The following CHRNB1 variants were observed in gnomAD, a reference collection of about 807,000 sequenced individuals.
CHRNB1 encodes acetylcholine receptor subunit beta.
Under a neutral mutation model 53.8 loss-of-function variants are expected in CHRNB1, and 47 were observed. That is an observed-to-expected ratio of 0.87 (90% confidence interval 0.69 to 1.11). CHRNB1 has a LOEUF of 1.11. Ranked by LOEUF, CHRNB1 falls within the 50% of genes most tolerant of loss-of-function variation. The pLI is 0.00. For missense variants in CHRNB1, 605 were observed against 654.9 expected, an observed-to-expected ratio of 0.92 and a Z score of 0.83; for synonymous variants, 259 against 263.5, an observed-to-expected ratio of 0.98 and a Z score of 0.16.
Position 7,445,311 on chromosome 17 carries a change from CTT to C in CHRNB1, c.103_104del (p.Phe35LeufsTer4), listed in dbSNP as rs755694552. 1.2e-6 allele frequency: 2 copies of C among 1,613,044 alleles called. No homozygotes were observed. The highest frequency in any genetic ancestry group is 1.7e-5 in the Admixed American group (1 of 59,990). On this transcript the variant is annotated frameshift_variant, in exon 2 of 11. Coordinates refer to ENST00000306071, the MANE Select transcript of CHRNB1 (RefSeq NM_000747.3). LOFTEE classifies it high-confidence loss of function. The surrounding 1 kb of genome is among the most constrained non-coding windows in gnomAD (Gnocchi z 5.7). Reference sequence around the variant, plus strand: ...GGCGGAGGGTCGACTCCGGGAGAAACTTTTCTCTGGCTATGATAGCTCCGTGC... The same window carrying C: ...GGCGGAGGGTCGACTCCGGGAGAAACTTCTCTGGCTATGATAGCTCCGTGC... ...SEAEGRLREK[L>X]FSGYDSSVRP... is the part of the protein sequence containing the mutation.
chr17:7,455,516 G>C (rs981444851), intron 9 of CHRNB1, 60 bp downstream of exon 9: 1 of 1,600,952 alleles, frequency 6.2e-7, no homozygotes, highest in African/African-American at 1.3e-5. Flanking sequence ...TCCCAGAAGA[G>C]TGTGCGGAAG....
rs1180323405 is a variant in CHRNB1 at position 7,455,804 on chromosome 17, G to GA, written c.1230dup (p.Leu411ThrfsTer5). 6.2e-7 allele frequency: 1 copy of GA among 1,614,182 alleles called. No individual in the cohort carries two copies. Among genetic ancestry groups the GA allele is most frequent in the Non-Finnish European group, 8.5e-7 (1 of 1,180,038 alleles). ...TCACTCCTCTTCCAGGTTCCAGCCT[G>GA]AACTGTCTGCCCCTGATCTGCGGCG... On this transcript the variant is annotated frameshift_variant, in exon 10 of 11. Coordinates refer to ENST00000306071, the MANE Select transcript of CHRNB1 (RefSeq NM_000747.3). LOFTEE classifies it high-confidence loss of function.
chr17:7,448,736 C>A lies in CHRNB1; in HGVS notation c.768C>A (p.Cys256Ter). The change falls in exon 7 of 11, where the codon TGC (cysteine) becomes TGA (stop). Residue 256 changes from cysteine (C) to a stop codon, truncating the protein, a stop_gained. Transcript: ENST00000306071. LOFTEE classifies it high-confidence loss of function. Reference sequence around the variant, plus strand: ...ACCTGGTCAACGTCATTGCCCCATGCATCCTCATCACTCTTCTGGCCATCT... The same window carrying A: ...ACCTGGTCAACGTCATTGCCCCATGAATCCTCATCACTCTTCTGGCCATCT... Reference protein sequence around the residue: ...LFYLVNVIAPCILITLLAIFV... With the variant: ...LFYLVNVIAP The A allele has an allele frequency of 3.7e-6, 6 of 1,614,244 alleles. No individual in the cohort carries two copies. Among genetic ancestry groups the A allele is most frequent in the Non-Finnish European group, 5.1e-6 (6 of 1,180,046 alleles).
At chr17:7,446,331 G>GTGTGTGTGTGTC (rs1908621463) in intron 3 of CHRNB1, 1 of 171,926 alleles carries the variant, frequency 5.8e-6, no homozygotes, top group South Asian at 4.8e-5. Flanking sequence ...GTGTGTCTGT[G>GTGTGTGTGTGTC]TGTGTGTGTG....
intron 7 of CHRNB1, 92 bp downstream of exon 7, chr17:7,448,880 AAGC>A: frequency 7.3e-7 from 1 of 1,362,828 alleles, no homozygotes; most frequent in Non-Finnish European, 1.0e-6. Flanking sequence ...TGCCAATCCA[AAGC>A]ATCATAGATT....
rs544629473 is a variant in CHRNB1, at chr17:7,457,627, G to C, written c.*904G>C. 26 of 152,206 alleles carry C rather than the reference G, an allele frequency of 1.7e-4. No homozygotes were observed. The highest frequency in any genetic ancestry group is 3.4e-3 in the Middle Eastern group (1 of 294). 9.4% of individuals were successfully genotyped at this position (152,206 alleles called of 1,614,324 possible). On this transcript the variant is annotated 3_prime_UTR_variant, in exon 11 of 11. Coordinates refer to ENST00000306071, the MANE Select transcript of CHRNB1 (RefSeq NM_000747.3). ...TTATTGTTTGCATGTTGGGTCTTGT[G>C]GTCGTTTTCTTTTTACCTTTCTGTA...
intron 3 of CHRNB1, 144 bp from the exon 4 acceptor site, chr17:7,446,689 A>G (rs895951924): frequency 1.4e-5 from 9 of 653,490 alleles, no homozygotes; most frequent in Non-Finnish European, 2.2e-5. Flanking sequence ...AGGCGGAGCC[A>G]GAGCCAGAAC....
chr17:7,445,445 GA>G lies in CHRNB1; in HGVS notation c.198+37del. ...GCGGGGGGTGGAGGTCAGGCCAGCCGACCGGCCGGGGGCGTGGCTTTAGGCA... is the reference window on the plus strand; with the variant it reads ...GCGGGGGGTGGAGGTCAGGCCAGCCGCCGGCCGGGGGCGTGGCTTTAGGCA... On this transcript the variant is annotated intron_variant, in intron 2 of 10. Transcript: ENST00000306071. This position sits in a 1 kb window ranked among gnomAD's most constrained non-coding sequence, Gnocchi z 5.7. The G allele has an allele frequency of 6.2e-7, 1 of 1,602,690 alleles. No individual in the cohort carries two copies. Among genetic ancestry groups the G allele is most frequent in the Non-Finnish European group, 8.5e-7 (1 of 1,176,762 alleles).
In CHRNB1 at chr17:7,456,804, C is replaced by G; in HGVS notation, c.*81C>G. On this transcript the variant is annotated 3_prime_UTR_variant, in exon 11 of 11. Transcript: ENST00000306071. ...ACTGTCAAGCCCTATCCTTCTCTGC[C>G]TCTTAACTCCTTCACGAGGAATCTG... 6.4e-7 allele frequency: 1 copy of G among 1,564,358 alleles called. No individual in the cohort carries two copies. The highest frequency in any genetic ancestry group is 8.8e-7 in the Non-Finnish European group (1 of 1,138,710).
Position 7,454,431 on chromosome 17 carries a change from G to A in CHRNB1, c.955G>A (p.Val319Ile), listed in dbSNP as rs753646298. Residue 319 changes from valine to isoleucine, a missense_variant, in exon 8 of 11, where the codon GTC becomes ATC. By Grantham distance (29) the Val-to-Ile change is conservative. Transcript: ENST00000306071. ...IKYLMFTMVL[V>I]TFSVILSVVV... The stretch of plus-strand genomic sequence containing the variant: ...GTACCTCATGTTTACCATGGTCCTC[G>A]TCACCTTCTCAGTCATCCTTAGTGT... 5 of 1,614,034 alleles carry A rather than the reference G, an allele frequency of 3.1e-6. No individual in the cohort carries two copies. The highest frequency in any genetic ancestry group is 3.3e-5 in the Admixed American group (2 of 59,990).
At chr17:7,448,949 G>T (rs1908775735) in intron 7 of CHRNB1, among the ~76,000 whole-genome samples, 161 bp downstream of exon 7, 1 of 151,806 alleles carries the variant, frequency 6.6e-6, no homozygotes, top group Non-Finnish European at 1.5e-5. Context: ...CCTTTCCTCC[G>T]CTCAGTGAAA....
At chr17:7,455,136 T>C (rs1045734805) in intron 8 of CHRNB1, 148 bp from the exon 9 acceptor site, 1 of 897,884 alleles carries the variant, frequency 1.1e-6, no homozygotes, top group Non-Finnish European at 1.8e-6. Context: ...TCTGTGTGGC[T>C]GCATTTCCTT....
chr17:7,456,952 G>C lies in CHRNB1; in HGVS notation c.*229G>C, dbSNP rs2069958789. ...TTGGGATCTTGAAGAAGCTCTTTTG[G>C]GTATCAACACCTAGGTCGCCAGTGA... On this transcript the variant is annotated 3_prime_UTR_variant, in exon 11 of 11. Coordinates refer to ENST00000306071, the MANE Select transcript of CHRNB1 (RefSeq NM_000747.3). 3.8e-5 allele frequency: 22 copies of C among 577,208 alleles called. No homozygotes were observed. In the South Asian group the frequency reaches 4.4e-4, roughly 12 times the overall value. The allele number at this position is 577,208 out of a possible 1,614,324, so 35.8% of individuals were successfully genotyped here. A position where few individuals can be genotyped will look rare whatever the true frequency, so the allele number is the denominator to read the frequency against.
rs763734305 is a variant in CHRNB1, at chr17:7,446,983, C to T, written c.353+41C>T. 5.1e-6 allele frequency: 3 copies of T among 589,770 alleles called. No individual in the cohort carries two copies. In the East Asian group the frequency reaches 1.7e-4, roughly 33 times the overall value. The allele number at this position is 589,770 out of a possible 1,614,324, so 36.5% of individuals were successfully genotyped here. A position where few individuals can be genotyped will look rare whatever the true frequency, so the allele number is the denominator to read the frequency against. On this transcript the variant is annotated intron_variant, in intron 4 of 10. Transcript: ENST00000306071. ...AAGCCCGGGAGGTGGCGCGGGGCCT[C>T]GGGGGGCGGGGGGCCTCCGGGCGCG...
chr17:7,452,223 AT>A (rs1476574154), intron 7 of CHRNB1, among the ~76,000 whole-genome samples: 1 of 151,724 alleles, frequency 6.6e-6, no homozygotes, highest in Non-Finnish European at 1.5e-5. Flanking sequence ...GCCCAGCTAA[AT>A]TTTTTGTAAT....
intron 7 of CHRNB1, among the ~76,000 whole-genome samples, chr17:7,451,560 T>G (rs1276896328): frequency 6.6e-6 from 1 of 151,688 alleles, no homozygotes; most frequent in Non-Finnish European, 1.5e-5. Context: ...GGATTACAGG[T>G]GTAAGCCACC....
intron 7 of CHRNB1, among the ~76,000 whole-genome samples, chr17:7,449,399 G>GA (rs1908794378): frequency 8.0e-6 from 1 of 124,350 alleles, no homozygotes; most frequent in Non-Finnish European, 1.6e-5. Context: ...CACAGGGCCC[G>GA]ACCTTTTTTT....
chr17:7,455,177 C>T, intron 8 of CHRNB1, 107 bp from the exon 9 acceptor site: 3 of 1,241,508 alleles, frequency 2.4e-6, no homozygotes, highest in Non-Finnish European at 3.5e-6. Context: ...AATATGCACG[C>T]ACATACTCAC....
rs1402261931 is a variant in CHRNB1 at position 7,447,094 on chromosome 17, C to T, written c.405C>T (p.Ser135=). ...TGGACATTAGCGTCGTGGTGTCCTC[C>T]GACGGCTCCGTGCGTTGGCAACCCC... The part of the protein sequence containing the change: ...VALDISVVVS[S]DGSVRWQPPG... The change falls in exon 5 of 11, where the codon TCC becomes TCT. Residue 135 remains serine, a synonymous_variant. Transcript: ENST00000306071. 4 of 1,614,008 alleles carry T rather than the reference C, an allele frequency of 2.5e-6. No individual in the cohort carries two copies. In the Admixed American group the frequency reaches 5.0e-5, roughly 20 times the overall value.
Sources: allele counts gnomAD v4.1 joint callset (sites outside exome capture counted in the v4.1 genomes callset), GRCh38; gene constraint gnomAD v4.1.1; non-coding constraint Gnocchi (gnomAD v3.1); transcripts MANE v1.5; gene names NCBI Gene and HGNC (gene_info 2026-07-23, HGNC 2026-07-21).